ACTR3C: variants seen among roughly 807,000 people sequenced by gnomAD.
The protein encoded by ACTR3C is actin-related protein 3C.
A neutral mutation model predicts 26.3 loss-of-function variants in ACTR3C; 18 were observed. The observed-to-expected ratio is 0.68, with a 90% CI of 0.47 to 1.01. The LOEUF (loss-of-function observed/expected upper bound fraction) is 1.01, where lower values mean the gene tolerates loss of function less well. ACTR3C is among the 50% of genes least tolerant of loss of function. The pLI, the probability that ACTR3C is intolerant of heterozygous loss-of-function variation, is 0.00. For synonymous variants in ACTR3C, 55 were observed against 94.5 expected, an observed-to-expected ratio of 0.58 and a Z score of 2.42; for missense variants, 184 against 250.7, an observed-to-expected ratio of 0.73 and a Z score of 1.80.
the ACTR3C span, among the ~76,000 whole-genome samples, chr7:149,995,272 A>T: frequency 3.3e-5 from 5 of 152,232 alleles, no homozygotes; most frequent in South Asian, 2.1e-4. Flanking sequence ...CCCTTTTCTG[A>T]TAAGATTTCC....
the ACTR3C span, among the ~76,000 whole-genome samples, chr7:150,112,505 C>T: frequency 6.6e-6 from 1 of 152,186 alleles, no homozygotes; most frequent in Non-Finnish European, 1.5e-5. Context: ...CCACACACCC[C>T]TGGAGCATTC....
At chr7:150,319,641 A>G (rs1208203166) in intron 1 of ACTR3C, among the ~76,000 whole-genome samples, 1 of 152,252 alleles carries the variant, frequency 6.6e-6, no homozygotes, top group Non-Finnish European at 1.5e-5. Flanking sequence ...CACTTTGTCC[A>G]TCCAATTACT....
the ACTR3C span, among the ~76,000 whole-genome samples, chr7:150,037,099 A>C: frequency 0.014 from 836 of 61,012 alleles, 30 homozygotes; most frequent in African/African-American, 0.055. Flanking sequence ...TGGGGGTCCT[A>C]AGAGCCAGGG....
At chr7:150,058,753 A>G in the ACTR3C span, among the ~76,000 whole-genome samples, 2 of 152,146 alleles carry the variant, frequency 1.3e-5, no homozygotes, top group Non-Finnish European at 2.9e-5. Flanking sequence ...CGGCTCTACT[A>G]AAAATACAAA....
intron 6 of ACTR3C, among the ~76,000 whole-genome samples, chr7:150,277,207 G>A (rs1311051824): frequency 1.3e-5 from 2 of 152,176 alleles, no homozygotes; most frequent in Middle Eastern, 3.2e-3. Flanking sequence ...GATAGAAATA[G>A]TGGCCAGGTG....
chr7:150,039,203 A>T, the ACTR3C span, among the ~76,000 whole-genome samples: 2 of 121,024 alleles, frequency 1.7e-5, no homozygotes, highest in African/African-American at 6.6e-5. Flanking sequence ...GGTGCCTCCC[A>T]CCTCTGCGAT....
chr7:150,093,894 G>A, the ACTR3C span, among the ~76,000 whole-genome samples: 2 of 150,794 alleles, frequency 1.3e-5, no homozygotes, highest in Admixed American at 6.6e-5. Context: ...ATTAGTTATC[G>A]AGGGCTTCCT....
At chr7:150,046,844 C>T in the ACTR3C span, among the ~76,000 whole-genome samples, 6 of 145,900 alleles carry the variant, frequency 4.1e-5, no homozygotes, top group African/African-American at 1.3e-4. Context: ...CTTTGAAACC[C>T]AGGCTTCCAG....
At chr7:150,017,406 G>GAGGTTGCAGTGAGCT in the ACTR3C span, among the ~76,000 whole-genome samples, 4 of 150,642 alleles carry the variant, frequency 2.7e-5, no homozygotes, top group African/African-American at 7.5e-5. Flanking sequence ...TCACAGACCA[G>GAGGTTGCAGTGAGCT]GTCCATTCTC....
At chr7:150,041,684 GATAA>G in the ACTR3C span, among the ~76,000 whole-genome samples, 1 of 136,622 alleles carries the variant, frequency 7.3e-6, no homozygotes, top group Non-Finnish European at 1.6e-5. Flanking sequence ...TGGAAGAGGG[GATAA>G]CTCTCAGTCC....
the ACTR3C span, among the ~76,000 whole-genome samples, chr7:149,967,155 C>T: frequency 2.5e-4 from 38 of 150,352 alleles, no homozygotes; most frequent in South Asian, 7.7e-3. Flanking sequence ...CTGCCTCAGC[C>T]TCCCTAGTAG....
the ACTR3C span, among the ~76,000 whole-genome samples, chr7:149,982,302 C>T: frequency 6.6e-6 from 1 of 152,132 alleles, no homozygotes; most frequent in Non-Finnish European, 1.5e-5. Flanking sequence ...TAAGGCCCTC[C>T]TGCTTGAGAT....
chr7:150,090,912 C>A, the ACTR3C span, among the ~76,000 whole-genome samples: 1 of 152,186 alleles, frequency 6.6e-6, no homozygotes, highest in East Asian at 1.9e-4. Context: ...GTGGCAGCCG[C>A]CTCTGGAGTG....
chr7:150,039,149 C>T, the ACTR3C span, among the ~76,000 whole-genome samples: 25 of 150,044 alleles, frequency 1.7e-4, no homozygotes, highest in South Asian at 1.3e-3. Context: ...GGTCCTAAGC[C>T]GGTGGGGGAA....
At chr7:150,096,916 G>A in the ACTR3C span, among the ~76,000 whole-genome samples, 1 of 152,118 alleles carries the variant, frequency 6.6e-6, no homozygotes, top group Admixed American at 6.5e-5. Flanking sequence ...AAGGAGAGAT[G>A]CATGGAGCAG....
chr7:150,010,814 C>T, the ACTR3C span, among the ~76,000 whole-genome samples: 5 of 148,436 alleles, frequency 3.4e-5, no homozygotes, highest in Non-Finnish European at 7.4e-5. Flanking sequence ...TCGTGTAGGG[C>T]AGCAGATGGA....
chr7:150,158,623 T>C, the ACTR3C span, among the ~76,000 whole-genome samples: 278 of 152,288 alleles, frequency 1.8e-3, 2 homozygotes, highest in East Asian at 0.018. Context: ...TCTAAAAAGG[T>C]GGACTTATAG....
the ACTR3C span, among the ~76,000 whole-genome samples, chr7:150,067,483 A>G: frequency 1.3e-5 from 2 of 152,322 alleles, no homozygotes; most frequent in South Asian, 4.1e-4. Flanking sequence ...ACAGCACACA[A>G]CACAGTAAAA....
At chr7:150,175,812 GAACAA>G in the ACTR3C span, among the ~76,000 whole-genome samples, 2 of 38,272 alleles carry the variant, frequency 5.2e-5, no homozygotes, top group African/African-American at 2.8e-4. Flanking sequence ...GACTCCATCT[GAACAA>G]AAAAAAAAAA....
Sources: gnomAD v4.1 joint callset for allele counts (sites outside exome capture counted in the v4.1 genomes callset) on GRCh38, gnomAD v4.1.1 for gene constraint, MANE v1.5 for transcripts, NCBI Gene and HGNC (gene_info 2026-07-23, HGNC 2026-07-21) for gene names.